The following TENM2 variants were observed in gnomAD, a reference collection of about 807,000 sequenced individuals.
The protein encoded by TENM2 is teneurin transmembrane protein 2.
In TENM2, 52 loss-of-function variants were observed where a neutral mutation model predicts 245.2. That is an observed-to-expected ratio of 0.21 (90% CI 0.17 to 0.27). The LOEUF (loss-of-function observed/expected upper bound fraction) is 0.27. TENM2 is among the 10% of genes least tolerant of loss of function. The probability of loss-of-function intolerance (pLI) is 1.00; values close to 1 mark genes in which losing one functional copy is unlikely to be tolerated. For missense variants in TENM2, 3,046 were observed against 3,666.8 expected, an observed-to-expected ratio of 0.83 and a Z score of 4.37; for synonymous variants, 1,363 against 1,438.9, an observed-to-expected ratio of 0.95 and a Z score of 1.19.
intron 2 of TENM2, among the ~76,000 whole-genome samples, chr5:167,493,944 G>T (rs1001968042): frequency 6.6e-6 from 1 of 152,064 alleles, no homozygotes; most frequent in South Asian, 2.1e-4. Flanking sequence ...CTGGCTAAGG[G>T]GATGATATGA....
chr5:167,656,144 C>T (rs567958867), intron 2 of TENM2, among the ~76,000 whole-genome samples: 1 of 152,250 alleles, frequency 6.6e-6, no homozygotes, highest in Admixed American at 6.5e-5. Flanking sequence ...TAAATGCCAT[C>T]TTTTAACACT....
At chr5:167,881,834 C>T (rs975477104) in intron 3 of TENM2, among the ~76,000 whole-genome samples, 4 of 152,204 alleles carry the variant, frequency 2.6e-5, no homozygotes, top group Non-Finnish European at 2.9e-5. Flanking sequence ...AGGACTTGGG[C>T]TATCAGCTCA....
intron 2 of TENM2, among the ~76,000 whole-genome samples, chr5:167,842,012 A>G (rs1769564183): frequency 2.0e-5 from 3 of 152,174 alleles, no homozygotes; most frequent in South Asian, 4.1e-4. Flanking sequence ...TACACATTGT[A>G]TAGCCAAAAG....
chr5:167,957,493 C>T (rs890635399), intron 4 of TENM2, among the ~76,000 whole-genome samples: 3 of 151,952 alleles, frequency 2.0e-5, no homozygotes, highest in Admixed American at 6.6e-5. Context: ...CTCTGATCTT[C>T]GTTATTTCTT....
intron 2 of TENM2, among the ~76,000 whole-genome samples, chr5:167,656,827 T>C (rs928457663): frequency 3.3e-5 from 5 of 152,092 alleles, no homozygotes; most frequent in Non-Finnish European, 2.9e-5. Flanking sequence ...AAGCTTTATT[T>C]TTAATGAACA....
chr5:167,347,140 AG>A (rs1223838488), intron 1 of TENM2, among the ~76,000 whole-genome samples: 8 of 149,794 alleles, frequency 5.3e-5, no homozygotes, highest in African/African-American at 2.0e-4. Flanking sequence ...GAATTACAAG[AG>A]AAAAAAAAAA....
chr5:167,580,223 G>T (rs1774994147), intron 2 of TENM2, among the ~76,000 whole-genome samples: 1 of 152,200 alleles, frequency 6.6e-6, no homozygotes, highest in Non-Finnish European at 1.5e-5. Flanking sequence ...CTAATGCTAT[G>T]CAAGGGCAAA....
intron 2 of TENM2, among the ~76,000 whole-genome samples, chr5:167,691,671 C>T (rs919612853): frequency 2.6e-5 from 4 of 152,096 alleles, no homozygotes; most frequent in Non-Finnish European, 4.4e-5. Context: ...AGGGTCATTG[C>T]GCTCAAACAG....
At chr5:167,719,573 C>T (rs529001492) in intron 2 of TENM2, among the ~76,000 whole-genome samples, 2 of 152,298 alleles carry the variant, frequency 1.3e-5, no homozygotes, top group South Asian at 2.1e-4. Context: ...AATTAATAGC[C>T]TAAGCTGTGG....
intron 14 of TENM2, among the ~76,000 whole-genome samples, chr5:168,193,061 G>A (rs960269073): frequency 6.6e-6 from 1 of 152,202 alleles, no homozygotes; most frequent in African/African-American, 2.4e-5. Flanking sequence ...CAGAATATTT[G>A]GTAGACTATG....
the TENM2 span, among the ~76,000 whole-genome samples, chr5:167,177,545 C>G: frequency 6.6e-6 from 1 of 152,144 alleles, no homozygotes; most frequent in Admixed American, 6.5e-5. Flanking sequence ...ATTCTTAGAT[C>G]AGGTATTAGA....
chr5:167,126,587 C>T, the TENM2 span, among the ~76,000 whole-genome samples: 1 of 152,094 alleles, frequency 6.6e-6, no homozygotes, highest in African/African-American at 2.4e-5. Flanking sequence ...AAAAAGAACT[C>T]ACATTCATTT....
chr5:167,399,084 C>T (rs1762230389), intron 2 of TENM2, among the ~76,000 whole-genome samples: 1 of 152,114 alleles, frequency 6.6e-6, no homozygotes, highest in Non-Finnish European at 1.5e-5. Context: ...AAGTGACTGT[C>T]CTCTTTTTCT....
intron 13 of TENM2, among the ~76,000 whole-genome samples, chr5:168,181,732 A>G (rs987220355): frequency 4.0e-5 from 5 of 123,510 alleles, no homozygotes; most frequent in African/African-American, 1.6e-4. Flanking sequence ...GCTGAAGTGG[A>G]GTGATGCAAT....
At chr5:167,052,451 A>G in the TENM2 span, among the ~76,000 whole-genome samples, 2 of 152,312 alleles carry the variant, frequency 1.3e-5, no homozygotes, top group African/African-American at 2.4e-5. Context: ...CTGGAATTTA[A>G]CATTGTTCCA....
intron 9 of TENM2, among the ~76,000 whole-genome samples, chr5:168,107,153 C>G (rs1051520035): frequency 1.3e-5 from 2 of 152,188 alleles, no homozygotes; most frequent in African/African-American, 4.8e-5. Context: ...TCACCTTCCT[C>G]TTCCCACCAC....
chr5:168,220,115 C>T (rs993379765), intron 23 of TENM2, among the ~76,000 whole-genome samples: 1 of 152,168 alleles, frequency 6.6e-6, no homozygotes, highest in African/African-American at 2.4e-5. Flanking sequence ...TTTGATCAAA[C>T]TTTACCAGCC....
At chr5:168,005,218 A>T (rs2152057889) in intron 5 of TENM2, among the ~76,000 whole-genome samples, 1 of 152,342 alleles carries the variant, frequency 6.6e-6, no homozygotes, top group South Asian at 2.1e-4. Flanking sequence ...AGGAGAGTGG[A>T]TACAATGAAA....
chr5:167,096,694 T>C, the TENM2 span, among the ~76,000 whole-genome samples: 1 of 152,190 alleles, frequency 6.6e-6, no homozygotes, highest in African/African-American at 2.4e-5. Context: ...TGTTCCTCTA[T>C]TGAGTTTTTA....
Sources: allele counts gnomAD v4.1 joint callset (sites outside exome capture counted in the v4.1 genomes callset), GRCh38; gene constraint gnomAD v4.1.1; transcripts MANE v1.5; gene names NCBI Gene and HGNC (gene_info 2026-07-23, HGNC 2026-07-21).